The following TRDN variants were observed in gnomAD, a reference collection of about 807,000 sequenced individuals.
TRDN encodes the protein triadin in skeletal muscle.
In TRDN, 161 loss-of-function variants were observed where a neutral mutation model predicts 149.7. The ratio of observed to expected loss-of-function variants is 1.08; its 90% confidence interval spans 0.95 to 1.23. The LOEUF is 1.23. Ranked by LOEUF, TRDN falls within the 50% of genes most tolerant of loss-of-function variation. The pLI, the probability that TRDN is intolerant of heterozygous loss-of-function variation, is 0.00. For synonymous variants in TRDN, 294 were observed against 250.5 expected, an observed-to-expected ratio of 1.17 and a Z score of -1.64; for missense variants, 896 against 823.5, an observed-to-expected ratio of 1.09 and a Z score of -1.08.
chr6:123,426,989 A>G (rs1774148020), intron 12 of TRDN, among the ~76,000 whole-genome samples: 1 of 152,094 alleles, frequency 6.6e-6, no homozygotes, highest in East Asian at 1.9e-4. Context: ...AATAATTATT[A>G]AACTTTCTTT....
At chr6:123,343,023 A>T (rs193295678) in intron 21 of TRDN, among the ~76,000 whole-genome samples, 152 of 152,246 alleles carry the variant, frequency 1.0e-3, no homozygotes, top group African/African-American at 3.5e-3. Flanking sequence ...GATCATCATT[A>T]TAAACATCTT....
intron 14 of TRDN, among the ~76,000 whole-genome samples, chr6:123,387,279 TA>T (rs1399460372): frequency 1.3e-5 from 2 of 152,132 alleles, no homozygotes; most frequent in African/African-American, 2.4e-5. Flanking sequence ...CTTATCATTT[TA>T]AAAAAATTAA....
intron 20 of TRDN, among the ~76,000 whole-genome samples, chr6:123,356,503 TTATATATATATATATATATA>T (rs71021444): frequency 0.11 from 11,876 of 107,032 alleles, 750 homozygotes; most frequent in Middle Eastern, 0.15. Flanking sequence ...TACAAGAAGT[TTATATATATATATATATATA>T]TATATATATA....
intron 12 of TRDN, chr6:123,421,789 T>C (rs1168851723): frequency 8.5e-6 from 1 of 117,364 alleles, no homozygotes; most frequent in Non-Finnish European, 1.7e-5. Context: ...GTCAACAGAG[T>C]GAGACCCTTT....
chr6:123,278,209 A>G, intron 26 of TRDN, 109 bp downstream of exon 26: 1 of 764,630 alleles, frequency 1.3e-6, no homozygotes, highest in Non-Finnish European at 1.9e-6. Context: ...TTGGTCAAGG[A>G]TAAAATTTGA....
At chr6:123,589,008 A>T (rs1480765170) in intron 1 of TRDN, among the ~76,000 whole-genome samples, 1 of 152,142 alleles carries the variant, frequency 6.6e-6, no homozygotes, top group Admixed American at 6.5e-5. Flanking sequence ...TAGGGATAAA[A>T]ATTAACAGGA....
At chr6:123,294,758 G>C (rs1451928315) in intron 24 of TRDN, among the ~76,000 whole-genome samples, 1 of 152,018 alleles carries the variant, frequency 6.6e-6, no homozygotes, top group Non-Finnish European at 1.5e-5. Context: ...CCCTGTTTTG[G>C]GGACCCCTGT....
chr6:123,579,120 T>A (rs2114570811), intron 1 of TRDN, among the ~76,000 whole-genome samples: 1 of 152,306 alleles, frequency 6.6e-6, no homozygotes, highest in African/African-American at 2.4e-5. Flanking sequence ...CTTTCTATCT[T>A]CCTATTTGGA....
intron 8 of TRDN, among the ~76,000 whole-genome samples, chr6:123,501,530 T>C (rs1460089625): frequency 2.0e-5 from 3 of 152,028 alleles, no homozygotes; most frequent in Non-Finnish European, 4.4e-5. Flanking sequence ...TAGTTTTCTT[T>C]AATTTAAAAA....
intron 10 of TRDN, chr6:123,463,204 G>T (rs1447611550): frequency 6.6e-6 from 1 of 151,804 alleles, no homozygotes; most frequent in Non-Finnish European, 1.5e-5. Context: ...AGGCATGGTG[G>T]CGGGCGCCTG....
intron 39 of TRDN, 51 bp downstream of exon 39, chr6:123,224,042 C>A (rs748634368): frequency 5.5e-5 from 85 of 1,552,028 alleles, no homozygotes; most frequent in Non-Finnish European, 6.8e-5. Flanking sequence ...AGACAAAAAC[C>A]TTATAGCTTT....
chr6:123,404,692 G>A (rs139285726), intron 12 of TRDN, among the ~76,000 whole-genome samples: 6 of 152,266 alleles, frequency 3.9e-5, no homozygotes, highest in East Asian at 3.9e-4. Flanking sequence ...TGATCCACTC[G>A]CCTCAGCTTC....
intron 8 of TRDN, chr6:123,501,817 C>T: frequency 2.3e-6 from 2 of 871,012 alleles, no homozygotes; most frequent in Non-Finnish European, 2.8e-6. Flanking sequence ...AAATAGTAGA[C>T]TGAAAAGGGA....
At chr6:123,633,171 G>A (rs1384057958) in intron 1 of TRDN, among the ~76,000 whole-genome samples, 1 of 152,022 alleles carries the variant, frequency 6.6e-6, no homozygotes, top group Non-Finnish European at 1.5e-5. Context: ...TAAATACTAA[G>A]TTAATTATAT....
Position 123,377,810 on chromosome 6 carries a change from T to C in TRDN, c.1219+56A>G, listed in dbSNP as rs1781567904. On this transcript the variant is annotated intron_variant, in intron 17 of 40. Transcript: ENST00000334268. ...ATTCAATTGTAATTCAGTATTCAATTGCAAATCAAATAATATTATGAAATT... is the reference window on the plus strand; with the variant it reads ...ATTCAATTGTAATTCAGTATTCAATCGCAAATCAAATAATATTATGAAATT... 3 of 1,605,464 alleles carry C rather than the reference T, an allele frequency of 1.9e-6. No individual in the cohort carries two copies. The African/African-American group carries it at 4.0e-5, about 22-fold the overall frequency.
chr6:123,462,696 C>A (rs993113736), intron 10 of TRDN: 4 of 147,988 alleles, frequency 2.7e-5, no homozygotes, highest in Non-Finnish European at 6.1e-5. Flanking sequence ...TTACATAAAG[C>A]CTTTATTTTT....
At chr6:123,583,997 G>A (rs9490814) in intron 1 of TRDN, 14,289 of 170,570 alleles carry the variant, frequency 0.084, 670 homozygotes, top group African/African-American at 0.13. Flanking sequence ...CTATAGCATA[G>A]CCTGCCTTTG....
intron 9 of TRDN, among the ~76,000 whole-genome samples, chr6:123,474,191 G>A (rs1777339355): frequency 6.6e-6 from 1 of 152,126 alleles, no homozygotes; most frequent in South Asian, 2.1e-4. Context: ...CTGTATTCAG[G>A]AAACCCATCT....
Position 123,279,089 on chromosome 6 carries a change from A to G in TRDN, c.1511-7T>C. On this transcript the variant is annotated splice_region_variant and splice_polypyrimidine_tract_variant and intron_variant, in intron 24 of 40. Transcript: ENST00000334268. ...TTAGGCTTGACTTCTTTGCCTAGAA[A>G]AAAGTAAAAAAATTATTAAAGGCTG... is the stretch of plus-strand genomic sequence containing the variant. The G allele has an allele frequency of 6.2e-7, 1 of 1,605,052 alleles. No homozygotes were observed. The highest frequency in any genetic ancestry group is 8.5e-7 in the Non-Finnish European group (1 of 1,175,746).
Sources: allele counts gnomAD v4.1 joint callset (sites outside exome capture counted in the v4.1 genomes callset), GRCh38; gene constraint gnomAD v4.1.1; transcripts MANE v1.5; gene names NCBI Gene and HGNC (gene_info 2026-07-23, HGNC 2026-07-21).